The following STARD13 variants were observed in gnomAD, a reference collection of about 807,000 sequenced individuals.
STARD13 encodes StAR related lipid transfer domain containing 13, also known as stAR-related lipid transfer protein 13.
In STARD13, 62 loss-of-function variants were observed where a neutral mutation model predicts 106.4. The ratio of observed to expected loss-of-function variants is 0.58; its 90% confidence interval spans 0.48 to 0.72. The LOEUF (loss-of-function observed/expected upper bound fraction) is 0.72. Among genes scored for constraint, STARD13 ranks in the 30% least tolerant of loss-of-function variants. The probability of loss-of-function intolerance (pLI) is 0.00; values close to 1 mark genes in which losing one functional copy is unlikely to be tolerated. For synonymous variants in STARD13, 565 were observed against 553.0 expected (o/e 1.02, Z -0.31); for missense variants, 1,387 against 1,424.0 (o/e 0.97, Z 0.42).
chr13:33,668,458 A>G, the STARD13 span, among the ~76,000 whole-genome samples: 1 of 152,178 alleles, frequency 6.6e-6, no homozygotes, highest in South Asian at 2.1e-4. Flanking sequence ...ACAATTGGTC[A>G]AACTGGATTG....
At chr13:33,409,616 G>C in the STARD13 span, among the ~76,000 whole-genome samples, 5 of 152,184 alleles carry the variant, frequency 3.3e-5, no homozygotes, top group Admixed American at 3.3e-4. Flanking sequence ...TTTTTCTACT[G>C]CCTTTTCTAC....
intron 1 of STARD13, among the ~76,000 whole-genome samples, chr13:33,174,295 T>A (rs1029569907): frequency 6.6e-6 from 1 of 152,114 alleles, no homozygotes; most frequent in Admixed American, 6.6e-5. Context: ...TACTATATAG[T>A]CACACACACT....
intron 1 of STARD13, among the ~76,000 whole-genome samples, chr13:33,188,677 T>C (rs529596154): frequency 6.6e-6 from 1 of 152,360 alleles, no homozygotes; most frequent in Non-Finnish European, 1.5e-5. Context: ...TTCAATTGAC[T>C]GAATAGGTTT....
chr13:33,110,513 TGATTATAGGCAACA>T, intron 11 of STARD13, among the ~76,000 whole-genome samples, 159 bp downstream of exon 11: 1 of 152,320 alleles, frequency 6.6e-6, no homozygotes. Flanking sequence ...GTTTACTCTC[TGATTATAGGCAACA>T]GATCTCTGGA....
rs182035372 is a variant in STARD13, at chr13:33,196,366, C to T, written c.170-28744G>A. On this transcript the variant is annotated intron_variant, in intron 1 of 13. Transcript: ENST00000336934. ...CCACTCTCCAGCCTGGACAATGAAG[C>T]GAGACTCTGTCTCAAAAAACAATAA... Among the ~76,000 whole-genome samples, 157 of 152,116 alleles carry T rather than the reference C, an allele frequency of 1.0e-3. 2 individuals are homozygous for T. Among genetic ancestry groups the T allele is most frequent in the Admixed American group, 9.6e-3 (146 of 15,280 alleles).
At chr13:33,402,996 C>T in the STARD13 span, among the ~76,000 whole-genome samples, 2 of 152,240 alleles carry the variant, frequency 1.3e-5, no homozygotes, top group African/African-American at 4.8e-5. Context: ...GTCACACTGG[C>T]CCTCTGCCCT....
intron 4 of STARD13, among the ~76,000 whole-genome samples, chr13:33,135,528 A>C (rs1230555942): frequency 6.6e-6 from 1 of 152,210 alleles, no homozygotes; most frequent in Non-Finnish European, 1.5e-5. Context: ...TTCACAGGTA[A>C]TTTACATTTA....
chr13:33,241,347 A>G (rs1889481692), intron 1 of STARD13, among the ~76,000 whole-genome samples: 1 of 152,192 alleles, frequency 6.6e-6, no homozygotes, highest in Non-Finnish European at 1.5e-5. Context: ...TTGGGTATTC[A>G]ACACAATAGA....
At chr13:33,125,352 G>A (rs1876999873) in intron 7 of STARD13, among the ~76,000 whole-genome samples, 1 of 152,112 alleles carries the variant, frequency 6.6e-6, no homozygotes, top group African/African-American at 2.4e-5. Context: ...TTTTATTTTG[G>A]ACAGAATGTC....
chr13:33,170,589 C>A (rs1158533686), intron 1 of STARD13, among the ~76,000 whole-genome samples: 1 of 152,078 alleles, frequency 6.6e-6, no homozygotes, highest in Non-Finnish European at 1.5e-5. Context: ...AACTTTTAGA[C>A]CTCAGGCTTA....
At chr13:33,215,192 C>T (rs1393000029) in intron 1 of STARD13, among the ~76,000 whole-genome samples, 3 of 151,430 alleles carry the variant, frequency 2.0e-5, no homozygotes, top group African/African-American at 7.3e-5. Context: ...ATCTTGCTTT[C>T]ACATAAGGAT....
At chr13:33,214,214 C>T (rs967055497) in intron 1 of STARD13, among the ~76,000 whole-genome samples, 7 of 152,212 alleles carry the variant, frequency 4.6e-5, no homozygotes, top group Non-Finnish European at 8.8e-5. Flanking sequence ...CTTTAAACCT[C>T]ACAAACAAAA....
intron 1 of STARD13, among the ~76,000 whole-genome samples, chr13:33,201,721 G>A (rs77895541): frequency 9.2e-5 from 14 of 152,256 alleles, no homozygotes; most frequent in Admixed American, 2.6e-4. Flanking sequence ...GGCCTCAAAG[G>A]TTACCTTATT....
downstream of STARD13, among the ~76,000 whole-genome samples, chr13:33,347,298 C>A (rs993355394): frequency 6.6e-6 from 1 of 152,164 alleles, no homozygotes; most frequent in Non-Finnish European, 1.5e-5. Context: ...TGCAGTGGCA[C>A]AATCTTGGCT....
At chr13:33,472,565 G>C in the STARD13 span, among the ~76,000 whole-genome samples, 1 of 151,864 alleles carries the variant, frequency 6.6e-6, no homozygotes, top group East Asian at 2.0e-4. Flanking sequence ...TCTCCAGACA[G>C]TGCCAGTTGT....
At chr13:33,626,797 C>G in the STARD13 span, among the ~76,000 whole-genome samples, 18,454 of 152,206 alleles carry the variant, frequency 0.12, 2,828 homozygotes, top group African/African-American at 0.36. Flanking sequence ...ATCCCAAATT[C>G]AGAATAACAA....
chr13:33,255,101 C>T (rs866523215), intron 1 of STARD13, among the ~76,000 whole-genome samples: 2 of 143,264 alleles, frequency 1.4e-5, no homozygotes, highest in African/African-American at 5.2e-5. Context: ...TGTGTGCTCC[C>T]CCCCCCCTCA....
chr13:33,410,369 G>T, the STARD13 span, among the ~76,000 whole-genome samples: 1 of 152,236 alleles, frequency 6.6e-6, no homozygotes, highest in Non-Finnish European at 1.5e-5. Context: ...GAGCAAAGAG[G>T]TTAATAGTAT....
the STARD13 span, among the ~76,000 whole-genome samples, chr13:33,617,698 C>G: frequency 6.6e-6 from 1 of 152,148 alleles, no homozygotes; most frequent in African/African-American, 2.4e-5. Flanking sequence ...ATGGGGCCAT[C>G]TTAGAATTCT....
Sources: gnomAD v4.1 joint callset for allele counts (sites outside exome capture counted in the v4.1 genomes callset) on GRCh38, gnomAD v4.1.1 for gene constraint, MANE v1.5 for transcripts, NCBI Gene and HGNC (gene_info 2026-07-23, HGNC 2026-07-21) for gene names.